ZFHX3: variants seen among roughly 807,000 people sequenced by gnomAD.
The protein encoded by ZFHX3 is zinc finger homeobox protein 3.
ZFHX3 carries 42 observed loss-of-function variants against 279.1 expected under a neutral mutation model. The observed-to-expected ratio is 0.15, with a 90% CI of 0.12 to 0.19. The LOEUF (loss-of-function observed/expected upper bound fraction) is 0.19. ZFHX3 is among the 10% of genes least tolerant of loss of function. The pLI is 1.00. For synonymous variants in ZFHX3, 2,293 were observed against 1,957.8 expected, an observed-to-expected ratio of 1.17 and a Z score of -4.52; for missense variants, 4,981 against 4,754.0, an observed-to-expected ratio of 1.05 and a Z score of -1.40.
intron 2 of ZFHX3, among the ~76,000 whole-genome samples, chr16:73,515,496 GAGAGAGAGAA>G (rs755020301): frequency 8.7e-5 from 13 of 149,990 alleles, no homozygotes; most frequent in African/African-American, 2.2e-4. Context: ...AAACAGAGAG[GAGAGAGAGAA>G]AGAGAGAGAA....
At chr16:73,112,544 C>G (rs1966387257) in intron 7 of ZFHX3, among the ~76,000 whole-genome samples, 1 of 151,624 alleles carries the variant, frequency 6.6e-6, no homozygotes. Context: ...GAAACCCTGT[C>G]TCTACTAAAA....
Position 73,039,019 on chromosome 16 carries a change from C to T in ZFHX3, c.-50+8733G>A, listed in dbSNP as rs146516587. Among the ~76,000 whole-genome samples the T allele has an allele frequency of 6.9e-3, 1,042 of 151,690 alleles. 10 individuals are homozygous for T. Among genetic ancestry groups the T allele is most frequent in the African/African-American group, 0.023 (949 of 41,320 alleles). On this transcript the variant is annotated intron_variant, in intron 1 of 9. Coordinates refer to ENST00000268489, the MANE Select transcript of ZFHX3 (RefSeq NM_006885.4). ...CTTGCCATGTTGCTAAGGCTGGCCT[C>T]GAACCCCTGGGCTCAAACCTCTGGG...
intron 2 of ZFHX3, among the ~76,000 whole-genome samples, chr16:73,535,857 G>A (rs888702362): frequency 2.0e-5 from 3 of 151,746 alleles, no homozygotes; most frequent in Non-Finnish European, 4.4e-5. Context: ...TGAGCAGCTG[G>A]GACTACAGGC....
chr16:73,623,154 A>G (rs2052381821), intron 2 of ZFHX3, among the ~76,000 whole-genome samples: 1 of 151,768 alleles, frequency 6.6e-6, no homozygotes, highest in African/African-American at 2.4e-5. Context: ...CTCCTGCCTC[A>G]GCCTCTCGAG....
chr16:73,271,097 T>C (rs936812253), intron 4 of ZFHX3, among the ~76,000 whole-genome samples: 1 of 152,230 alleles, frequency 6.6e-6, no homozygotes, highest in African/African-American at 2.4e-5. Flanking sequence ...GTCTGGGGTG[T>C]GGCCCAGGCC....
intron 2 of ZFHX3, among the ~76,000 whole-genome samples, chr16:73,620,458 T>A (rs1316888077): frequency 6.6e-6 from 1 of 152,198 alleles, no homozygotes; most frequent in African/African-American, 2.4e-5. Flanking sequence ...GAAGCTTCAG[T>A]GGCTGTCAGG....
chr16:73,281,231 A>G (rs1243306886), intron 4 of ZFHX3, among the ~76,000 whole-genome samples: 1 of 152,182 alleles, frequency 6.6e-6, no homozygotes, highest in Non-Finnish European at 1.5e-5. Flanking sequence ...ACAATCATAA[A>G]TGTCAATTGA....
chr16:72,933,586 C>CTTACATCTT (rs1959939385), intron 3 of ZFHX3, among the ~76,000 whole-genome samples: 6 of 152,086 alleles, frequency 3.9e-5, no homozygotes, highest in Admixed American at 3.9e-4. Context: ...ATCAATGTGC[C>CTTACATCTT]TTACATCTTT....
chr16:73,255,518 C>T (rs536094316), intron 5 of ZFHX3, among the ~76,000 whole-genome samples: 13 of 152,156 alleles, frequency 8.5e-5, no homozygotes, highest in Non-Finnish European at 1.8e-4. Context: ...ATCCAGTCCA[C>T]AGTAGACAAC....
chr16:73,728,025 C>CCCCCT (rs1555535411), intron 1 of ZFHX3, among the ~76,000 whole-genome samples: 1 of 113,524 alleles, frequency 8.8e-6, no homozygotes, highest in Non-Finnish European at 1.8e-5. Context: ...GCCCCCCCCC[C>CCCCCT]GCCCCCAATA....
At chr16:72,845,270 C>T (rs2037450062) in intron 4 of ZFHX3, among the ~76,000 whole-genome samples, 1 of 152,170 alleles carries the variant, frequency 6.6e-6, no homozygotes, top group South Asian at 2.1e-4. Context: ...AACCCCCTCC[C>T]CCTGCCACCA....
At chr16:73,478,306 G>A (rs1422405654) in intron 2 of ZFHX3, among the ~76,000 whole-genome samples, 27 of 145,744 alleles carry the variant, frequency 1.9e-4, no homozygotes, top group African/African-American at 6.1e-4. Context: ...GGTACTAAAA[G>A]CCATATGACA....
intron 5 of ZFHX3, among the ~76,000 whole-genome samples, chr16:73,190,714 C>A (rs1323633646): frequency 6.6e-6 from 1 of 152,198 alleles, no homozygotes; most frequent in Non-Finnish European, 1.5e-5. Flanking sequence ...AATGCCAGCA[C>A]TGATATCATG....
chr16:73,597,099 G>T (rs1433366610), intron 2 of ZFHX3, among the ~76,000 whole-genome samples: 1 of 152,118 alleles, frequency 6.6e-6, no homozygotes, highest in African/African-American at 2.4e-5. Flanking sequence ...TTTCAAGGTT[G>T]TGTGCACCAC....
At chr16:73,252,906 T>C (rs2013552664) in intron 5 of ZFHX3, among the ~76,000 whole-genome samples, 1 of 151,400 alleles carries the variant, frequency 6.6e-6, no homozygotes, top group African/African-American at 2.4e-5. Flanking sequence ...GCCACCGGAG[T>C]CCAAAGAGAG....
At chr16:73,580,164 T>G (rs115210074) in intron 2 of ZFHX3, among the ~76,000 whole-genome samples, 1 of 151,720 alleles carries the variant, frequency 6.6e-6, no homozygotes, top group Non-Finnish European at 1.5e-5. Context: ...CTCTATGTGT[T>G]AGCTGGAATT....
At chr16:73,417,442 G>T (rs1318312533) in intron 3 of ZFHX3, among the ~76,000 whole-genome samples, 1 of 125,384 alleles carries the variant, frequency 8.0e-6, no homozygotes, top group Non-Finnish European at 1.6e-5. Flanking sequence ...ATGTCGCCCA[G>T]TTTGTCTTCA....
chr16:73,515,337 T>TGC (rs1279817502), intron 2 of ZFHX3, among the ~76,000 whole-genome samples: 2 of 151,980 alleles, frequency 1.3e-5, no homozygotes, highest in East Asian at 3.9e-4. Context: ...GATGACCAAG[T>TGC]CAAATATGTA....
At chr16:73,355,761 AC>A (rs746618590) in intron 3 of ZFHX3, among the ~76,000 whole-genome samples, 3 of 152,214 alleles carry the variant, frequency 2.0e-5, no homozygotes, top group Non-Finnish European at 2.9e-5. Context: ...CAGACTATGT[AC>A]AAAGGTGACC....
Sources: allele counts gnomAD v4.1 joint callset (sites outside exome capture counted in the v4.1 genomes callset), GRCh38; gene constraint gnomAD v4.1.1; transcripts MANE v1.5; gene names NCBI Gene and HGNC (gene_info 2026-07-23, HGNC 2026-07-21).